The following DLG2 variants were observed in gnomAD, a reference collection of about 807,000 sequenced individuals.
DLG2 encodes the protein disks large homolog 2.
DLG2 carries 45 observed loss-of-function variants against 132.5 expected under a neutral mutation model. The observed-to-expected ratio is 0.34, with a 90% CI of 0.27 to 0.44. The LOEUF (loss-of-function observed/expected upper bound fraction) is 0.44. Ranked by LOEUF, DLG2 falls within the 20% of genes least tolerant of loss-of-function variation. DLG2 has a pLI of 1.00. For synonymous variants in DLG2, 424 were observed against 419.6 expected, an observed-to-expected ratio of 1.01 and a Z score of -0.13; for missense variants, 1,045 against 1,196.9, an observed-to-expected ratio of 0.87 and a Z score of 1.87.
chr11:85,443,495 A>G (rs1325574801), intron 3 of DLG2, among the ~76,000 whole-genome samples: 1 of 152,218 alleles, frequency 6.6e-6, no homozygotes, highest in Non-Finnish European at 1.5e-5. Context: ...TCTCTGTGAT[A>G]TGTGAAAACT....
At chr11:84,356,381 C>T (rs376018805) in intron 7 of DLG2, among the ~76,000 whole-genome samples, 83 of 152,162 alleles carry the variant, frequency 5.5e-4, no homozygotes, top group African/African-American at 2.0e-3. Context: ...AGCAAGAAAA[C>T]TGAGAACAAA....
intron 17 of DLG2, among the ~76,000 whole-genome samples, chr11:83,828,850 C>T (rs539978872): frequency 1.3e-5 from 2 of 151,692 alleles, no homozygotes; most frequent in South Asian, 4.2e-4. Context: ...TCTCTTTCTT[C>T]AGTGTGTGTG....
intron 3 of DLG2, among the ~76,000 whole-genome samples, chr11:85,361,661 A>G (rs914623156): frequency 3.9e-5 from 6 of 152,216 alleles, no homozygotes; most frequent in Admixed American, 1.3e-4. Flanking sequence ...ATAGCTGAGT[A>G]GTATCCACAG....
At chr11:84,740,207 T>G (rs902352045) in intron 6 of DLG2, among the ~76,000 whole-genome samples, 1 of 151,748 alleles carries the variant, frequency 6.6e-6, no homozygotes, top group African/African-American at 2.4e-5. Flanking sequence ...AAGGCACCTA[T>G]TAATTGGAAG....
intron 19 of DLG2, among the ~76,000 whole-genome samples, chr11:83,544,039 C>G (rs1356787055): frequency 6.6e-6 from 1 of 152,146 alleles, no homozygotes; most frequent in Non-Finnish European, 1.5e-5. Context: ...CATGACCAGC[C>G]CCCAGTAAAC....
rs113436905 is a variant in DLG2, at chr11:84,934,504, G to GTTTTTTTTTTTTTTTTTTTTTTTTTT, written c.357+177156_357+177157insAAAAAAAAAAAAAAAAAAAAAAAAAA. On this transcript the variant is annotated intron_variant, in intron 6 of 27. Coordinates refer to ENST00000376104, the MANE Select transcript of DLG2 (RefSeq NM_001142699.3). ...TCTGTGAATCTGTATGGTCCTGGGTGTTTTTTTTTTGTTTTGTTTTGTTTT... is the reference window on the plus strand; with the variant it reads ...TCTGTGAATCTGTATGGTCCTGGGTGTTTTTTTTTTTTTTTTTTTTTTTTTTTTTTTTTTTTGTTTTGTTTTGTTTT... 1.8e-4 allele frequency among the ~76,000 whole-genome samples: 6 copies of GTTTTTTTTTTTTTTTTTTTTTTTTTT among 33,870 alleles called. 2 individuals carry two copies. Among genetic ancestry groups the GTTTTTTTTTTTTTTTTTTTTTTTTTT allele is most frequent in the Non-Finnish European group, 3.0e-4 (6 of 20,084 alleles). The allele number at this position is 33,870 out of a possible 152,430, so 22.2% of individuals were successfully genotyped here.
rs973460829 is a variant in DLG2 at position 84,841,509 on chromosome 11, T to G, written c.357+270152A>C. 2.0e-4 allele frequency among the ~76,000 whole-genome samples: 31 copies of G among 152,058 alleles called. 1 individual carries two copies. The highest frequency in any genetic ancestry group is 6.3e-3 in the Middle Eastern group (2 of 316). On this transcript the variant is annotated intron_variant, in intron 6 of 27. Coordinates refer to ENST00000376104, the MANE Select transcript of DLG2 (RefSeq NM_001142699.3). ...AAACATTACTCTGATAACATCAGTA[T>G]AAATTTCTAAGTTTTTCATCTGTTT...
At chr11:84,718,144 A>T (rs899045878) in intron 6 of DLG2, among the ~76,000 whole-genome samples, 2 of 152,114 alleles carry the variant, frequency 1.3e-5, no homozygotes. Flanking sequence ...CCTTCTGTTA[A>T]GTATGGTTAT....
chr11:84,001,157 G>A (rs576754370), intron 11 of DLG2, among the ~76,000 whole-genome samples: 8 of 151,768 alleles, frequency 5.3e-5, no homozygotes, highest in African/African-American at 1.9e-4. Flanking sequence ...TGGCTGAAAG[G>A]TTACAAAAAC....
rs184030968 is a variant in DLG2 at position 85,560,033 on chromosome 11, A to G, written c.40+38624T>C. The stretch of plus-strand genomic sequence containing the variant: ...TTATTATAAATAAATTAAAACCACA[A>G]TAAGATACCACTAATTCCCTAGAAT... On this transcript the variant is annotated intron_variant, in intron 3 of 27. Coordinates refer to ENST00000376104, the MANE Select transcript of DLG2 (RefSeq NM_001142699.3). Among the ~76,000 whole-genome samples the G allele has an allele frequency of 1.8e-4, 27 of 151,976 alleles. 1 individual carries two copies. The highest frequency in any genetic ancestry group is 1.1e-3 in the Admixed American group (17 of 15,228).
chr11:84,364,712 T>C (rs1446856554), intron 7 of DLG2, among the ~76,000 whole-genome samples: 5 of 152,188 alleles, frequency 3.3e-5, no homozygotes, highest in Non-Finnish European at 5.9e-5. Flanking sequence ...TGAGAGTTTT[T>C]AGCATGAAGC....
chr11:84,647,232 T>C (rs2099676036), intron 6 of DLG2, among the ~76,000 whole-genome samples: 1 of 152,296 alleles, frequency 6.6e-6, no homozygotes, highest in East Asian at 1.9e-4. Flanking sequence ...ATTATGCCAG[T>C]TGAAGAAACA....
chr11:85,493,846 G>A (rs910121155), intron 3 of DLG2, among the ~76,000 whole-genome samples: 1 of 151,498 alleles, frequency 6.6e-6, no homozygotes, highest in Non-Finnish European at 1.5e-5. Context: ...GGAGAGAAAA[G>A]AAAAGAAGAA....
chr11:83,637,397 C>G (rs968589450), intron 18 of DLG2, among the ~76,000 whole-genome samples: 3 of 152,114 alleles, frequency 2.0e-5, no homozygotes, highest in African/African-American at 7.2e-5. Flanking sequence ...TACTGAGCAC[C>G]TGCAATGAGC....
At chr11:83,921,858 T>A (rs1490029994) in intron 15 of DLG2, among the ~76,000 whole-genome samples, 1 of 152,166 alleles carries the variant, frequency 6.6e-6, no homozygotes, top group East Asian at 1.9e-4. Context: ...TAACTTTTTT[T>A]TAAAAAGCTA....
chr11:83,881,714 G>C (rs2066313444), intron 15 of DLG2, among the ~76,000 whole-genome samples: 1 of 152,098 alleles, frequency 6.6e-6, no homozygotes, highest in Admixed American at 6.6e-5. Context: ...ACAGCAAGCA[G>C]AATGTTTATG....
At chr11:84,067,495 CA>C (rs2096694903) in intron 10 of DLG2, among the ~76,000 whole-genome samples, 2 of 151,928 alleles carry the variant, frequency 1.3e-5, no homozygotes, top group Non-Finnish European at 2.9e-5. Flanking sequence ...TAATAGAAGC[CA>C]AAACCTTATT....
At chr11:85,000,306 A>G (rs755333330) in intron 6 of DLG2, among the ~76,000 whole-genome samples, 1 of 152,210 alleles carries the variant, frequency 6.6e-6, no homozygotes, top group Non-Finnish European at 1.5e-5. Flanking sequence ...AACTAGGTCC[A>G]GAAAAGCTTA....
At chr11:84,769,738 C>T (rs1351327052) in intron 6 of DLG2, among the ~76,000 whole-genome samples, 1 of 152,088 alleles carries the variant, frequency 6.6e-6, no homozygotes, top group Non-Finnish European at 1.5e-5. Context: ...AGAAAAAGGC[C>T]ACATTACGTA....
Sources: allele counts gnomAD v4.1 joint callset (sites outside exome capture counted in the v4.1 genomes callset), GRCh38; gene constraint gnomAD v4.1.1; transcripts MANE v1.5; gene names NCBI Gene and HGNC (gene_info 2026-07-23, HGNC 2026-07-21).